The following WNT5A variants were observed in gnomAD, a reference collection of about 807,000 sequenced individuals.
WNT5A encodes the protein Wnt family member 5A, also known as protein Wnt-5a.
WNT5A carries 9 observed loss-of-function variants against 42.1 expected under a neutral mutation model. The observed-to-expected ratio is 0.21, with a 90% CI of 0.13 to 0.37. The LOEUF (loss-of-function observed/expected upper bound fraction) is 0.37, where lower values mean the gene tolerates loss of function less well. WNT5A is among the 10% of genes least tolerant of loss of function. The probability of loss-of-function intolerance (pLI) is 1.00; values close to 1 mark genes in which losing one functional copy is unlikely to be tolerated. For synonymous variants in WNT5A, 210 were observed against 210.0 expected, an observed-to-expected ratio of 1.00 and a Z score of 0.00; for missense variants, 426 against 534.0, an observed-to-expected ratio of 0.80 and a Z score of 1.99.
At position 55,473,262 on chromosome 3, in the gene WNT5A, C is replaced by G. The variant is rs192728256; in HGVS notation, c.684+1075G>C. 8.5e-5 allele frequency among the ~76,000 whole-genome samples: 13 copies of G among 152,280 alleles called. No homozygotes were observed. In the East Asian group the frequency reaches 2.5e-3, roughly 29 times the overall value. ...GAGTCTTCTAAGGCTCTGTCCAGTC[C>G]TCTACAGTTTACTCTGTGATTAACT... On this transcript the variant is annotated intron_variant, in intron 4 of 4. Transcript: ENST00000264634.
upstream of WNT5A, among the ~76,000 whole-genome samples, chr3:55,488,592 G>A (rs2051619431): frequency 6.6e-6 from 1 of 152,038 alleles, no homozygotes; most frequent in Non-Finnish European, 1.5e-5. Flanking sequence ...CCGTACTACG[G>A]GCTGGGGTGC....
Position 55,483,139 on chromosome 3 carries a change from C to T in WNT5A, c.7-2221G>A, listed in dbSNP as rs867986428. Among the ~76,000 whole-genome samples, 1 of 152,162 alleles carries T rather than the reference C, an allele frequency of 6.6e-6. No homozygotes were observed. Among genetic ancestry groups the T allele is most frequent in the Non-Finnish European group, 1.5e-5 (1 of 68,024 alleles). Reference sequence around the variant, plus strand: ...AACCGAACCCACTCCCAGCCCGAAGCCCCCAGGGAGAGTCCACCAGTTCCC... The same window carrying T: ...AACCGAACCCACTCCCAGCCCGAAGTCCCCAGGGAGAGTCCACCAGTTCCC... On this transcript the variant is annotated intron_variant, in intron 1 of 4. Coordinates refer to ENST00000264634, the MANE Select transcript of WNT5A (RefSeq NM_003392.7). This position sits in a 1 kb window ranked among gnomAD's most constrained non-coding sequence, Gnocchi z 4.2.
At chr3:55,496,603 C>A in the WNT5A span, among the ~76,000 whole-genome samples, 108 of 152,302 alleles carry the variant, frequency 7.1e-4, no homozygotes, top group African/African-American at 2.3e-3. Flanking sequence ...TCTGCTCAAC[C>A]CAGGAGCATG....
At chr3:55,490,778 T>C (rs1026089432), upstream of WNT5A, among the ~76,000 whole-genome samples, 2 of 152,192 alleles carry the variant, frequency 1.3e-5, no homozygotes, top group Non-Finnish European at 2.9e-5. Flanking sequence ...TTCCACTTGC[T>C]AGGAATACTC....
intron 1 of WNT5A, chr3:55,481,337 C>T (rs992177873): frequency 3.0e-6 from 3 of 987,000 alleles, no homozygotes; most frequent in Admixed American, 6.1e-5. Context: ...CAACCTGGGC[C>T]GAGCAACAAG....
intron 4 of WNT5A, among the ~76,000 whole-genome samples, chr3:55,472,241 C>T (rs1447513075): frequency 6.6e-6 from 1 of 152,220 alleles, no homozygotes; most frequent in African/African-American, 2.4e-5. Context: ...AGGTGCTTTT[C>T]AAACTTCCCC....
rs1242190462 is a variant in WNT5A at position 55,480,864 on chromosome 3, T to A, written c.61A>T (p.Met21Leu). The stretch of plus-strand genomic sequence containing the variant: ...GCCACTAGGAAGAACTTGGAAGACA[T>A]TGCACTTCCAGCCATCCCCAAAGCA... ...GVALGMAGSA[M>L]SSKFFLVALA... The change falls in exon 2 of 5, where the codon ATG becomes TTG. Residue 21 changes from methionine to leucine, a missense_variant. By Grantham distance (15) the Met-to-Leu change is conservative (BLOSUM62 2). Around this residue, in one of 3 missense-constraint regions of WNT5A, gnomAD observed 62 missense variants for 49.0 expected, o/e 1.26. Coordinates refer to ENST00000264634, the MANE Select transcript of WNT5A (RefSeq NM_003392.7). 6.3e-7 allele frequency: 1 copy of A among 1,589,086 alleles called. No individual in the cohort carries two copies. Among genetic ancestry groups the A allele is most frequent in the Middle Eastern group, 1.7e-4 (1 of 5,972 alleles).
chr3:55,474,309 C>T (rs754309767), intron 4 of WNT5A, 28 bp downstream of exon 4: 15 of 1,611,328 alleles, frequency 9.3e-6, no homozygotes, highest in Non-Finnish European at 1.3e-5. Context: ...GACAGAGATG[C>T]GGGGCGGGGG....
In WNT5A at chr3:55,470,506, C is replaced by G; in HGVS notation, c.729G>C (p.Val243=). The change falls in exon 5 of 5, where the codon GTG becomes GTC. Residue 243 remains valine (V), a synonymous_variant. Coordinates refer to ENST00000264634, the MANE Select transcript of WNT5A (RefSeq NM_003392.7). The stretch of plus-strand genomic sequence containing the variant: ...ATGTCTTCAGGCTACATGAGCCGGA[C>G]ACCCCATGGCACTTGCAGGCCACAT... The part of the protein sequence containing the change: ...LADVACKCHG[V]SGSCSLKTCW... 6.3e-7 allele frequency: 1 copy of G among 1,589,704 alleles called. No homozygotes were observed. The highest frequency in any genetic ancestry group is 1.7e-5 in the Admixed American group (1 of 58,364).
At chr3:55,486,934 G>A (rs982008525) in intron 1 of WNT5A, 46 bp downstream of exon 1, 63 of 1,499,822 alleles carry the variant, frequency 4.2e-5, no homozygotes, top group Non-Finnish European at 5.7e-5. Context: ...CCAACAGGGG[G>A]TGGGGGGAAG....
chr3:55,499,138 G>A, the WNT5A span, among the ~76,000 whole-genome samples: 1 of 152,338 alleles, frequency 6.6e-6, no homozygotes, highest in East Asian at 1.9e-4. Context: ...GCAAAGTCAG[G>A]TTTAGAGTTA....
At chr3:55,474,697 G>C in intron 3 of WNT5A, 68 bp from the exon 4 acceptor site, 2 of 1,286,212 alleles carry the variant, frequency 1.6e-6, no homozygotes, top group Non-Finnish European at 2.0e-6. Flanking sequence ...TGCCGGGGGT[G>C]GGGGTGGGGG....
chr3:55,495,116 T>C (rs1349284698), upstream of WNT5A, among the ~76,000 whole-genome samples: 1 of 152,262 alleles, frequency 6.6e-6, no homozygotes, highest in Non-Finnish European at 1.5e-5. Flanking sequence ...GAAACATGTA[T>C]ACTTTGTGAA....
chr3:55,473,436 G>T (rs1156255224), intron 4 of WNT5A, among the ~76,000 whole-genome samples: 1 of 152,166 alleles, frequency 6.6e-6, no homozygotes, highest in Non-Finnish European at 1.5e-5. Flanking sequence ...TTTTAAAGCA[G>T]CCATAAAGTG....
rs2051511609 is a variant in WNT5A at position 55,483,592 on chromosome 3, C to T, written c.7-2674G>A. Among the ~76,000 whole-genome samples, 1 of 152,142 alleles carries T rather than the reference C, an allele frequency of 6.6e-6. No homozygotes were observed. The highest frequency in any genetic ancestry group is 2.1e-4 in the South Asian group (1 of 4,828). On this transcript the variant is annotated intron_variant, in intron 1 of 4. Transcript: ENST00000264634. This position sits in a 1 kb window ranked among gnomAD's most constrained non-coding sequence, Gnocchi z 4.2. ...AATGTTTTCCAACACTTTCGGGGCTCAGGGAAGATGACTCTGTAAGGACAC... is the reference window on the plus strand; with the variant it reads ...AATGTTTTCCAACACTTTCGGGGCTTAGGGAAGATGACTCTGTAAGGACAC...
Position 55,467,380 on chromosome 3 carries a change from T to TG in WNT5A, c.*2711dup, listed in dbSNP as rs11370323. ...GCTTGATTTCTTTTTTTTTTTTTTT[T>TG]GTAAGGAACATATATAGGAAAAGAG... On this transcript the variant is annotated 3_prime_UTR_variant, in exon 5 of 5. Transcript: ENST00000264634. 2.4e-5 allele frequency: 3 copies of TG among 125,300 alleles called. No individual in the cohort carries two copies. The highest frequency in any genetic ancestry group is 3.6e-5 in the Non-Finnish European group (2 of 55,766). 7.8% of individuals were successfully genotyped at this position (125,300 alleles called of 1,614,324 possible).
Position 55,474,451 on chromosome 3 carries a change from G to A in WNT5A, c.570C>T (p.Tyr190=). The A allele has an allele frequency of 6.2e-7, 1 of 1,608,418 alleles. No homozygotes were observed. Among genetic ancestry groups the A allele is most frequent in the African/African-American group, 1.3e-5 (1 of 74,930 alleles). ...CGTCCACGAACTCCTTGGCAAAGCG[G>A]TAGCCATAGTCGATGTTGTCGCCGC... ...GGCGDNIDYG[Y]RFAKEFVDAR... Residue 190 remains tyrosine (Y), a synonymous_variant, in exon 4 of 5, where the codon TAC becomes TAT. Coordinates refer to ENST00000264634, the MANE Select transcript of WNT5A (RefSeq NM_003392.7).
chr3:55,491,304 C>T (rs2051656518), upstream of WNT5A, among the ~76,000 whole-genome samples: 1 of 152,130 alleles, frequency 6.6e-6, no homozygotes, highest in South Asian at 2.1e-4. Flanking sequence ...AATGCCTCTC[C>T]ATCTGTGAGG....
At chr3:55,478,803 T>C (rs2051402659) in intron 3 of WNT5A, among the ~76,000 whole-genome samples, 1 of 152,202 alleles carries the variant, frequency 6.6e-6, no homozygotes, top group Admixed American at 6.5e-5. Flanking sequence ...AAATAAAGCT[T>C]TTAACGTCTA....
Sources: allele counts gnomAD v4.1 joint callset (sites outside exome capture counted in the v4.1 genomes callset), GRCh38; gene constraint gnomAD v4.1.1; regional missense constraint gnomAD v4.1.1; non-coding constraint Gnocchi (gnomAD v3.1); transcripts MANE v1.5; gene names NCBI Gene and HGNC (gene_info 2026-07-23, HGNC 2026-07-21).